The following RASA2 variants were observed in gnomAD, a reference collection of about 807,000 sequenced individuals.
RASA2 encodes ras GTPase-activating protein 2.
In RASA2, 155 loss-of-function variants were observed where a neutral mutation model predicts 118.2. The ratio of observed to expected loss-of-function variants is 1.31; its 90% CI spans 1.15 to 1.50. The LOEUF (loss-of-function observed/expected upper bound fraction) is 1.50. RASA2 is among the 40% of genes most tolerant of loss of function. The pLI is 0.00. For missense variants in RASA2, 1,016 were observed against 1,009.6 expected, an observed-to-expected ratio of 1.01 and a Z score of -0.09; for synonymous variants, 353 against 349.1, an observed-to-expected ratio of 1.01 and a Z score of -0.12.
chr3:141,534,379 G>C (rs1397868301), intron 4 of RASA2, among the ~76,000 whole-genome samples: 1 of 152,024 alleles, frequency 6.6e-6, no homozygotes, highest in Non-Finnish European at 1.5e-5. Flanking sequence ...TATAGGGGGG[G>C]GAAAAAGAGT....
At chr3:141,515,899 A>C (rs1434451767) in intron 2 of RASA2, among the ~76,000 whole-genome samples, 2 of 72,780 alleles carry the variant, frequency 2.7e-5, no homozygotes, top group African/African-American at 9.6e-5. Flanking sequence ...ACTCTGTCTC[A>C]AAAAAAAAAA....
chr3:141,506,915 CAAAAA>C (rs59123792), intron 1 of RASA2, among the ~76,000 whole-genome samples: 4 of 89,756 alleles, frequency 4.5e-5, no homozygotes, highest in African/African-American at 8.7e-5. Flanking sequence ...GACCCTGTCT[CAAAAA>C]AAAAAAAAAA....
chr3:141,549,715 C>T (rs1049667345), intron 5 of RASA2, among the ~76,000 whole-genome samples: 9 of 152,226 alleles, frequency 5.9e-5, no homozygotes, highest in Non-Finnish European at 1.3e-4. Context: ...CTAATGACTA[C>T]AGCATTAGTG....
At chr3:141,603,251 A>G (rs1423932780) in intron 19 of RASA2, among the ~76,000 whole-genome samples, 2 of 152,042 alleles carry the variant, frequency 1.3e-5, no homozygotes, top group African/African-American at 4.8e-5. Flanking sequence ...TTGGACATTC[A>G]TTTTTATTGT....
At chr3:141,534,163 C>T (rs1276168743) in intron 4 of RASA2, among the ~76,000 whole-genome samples, 1 of 152,094 alleles carries the variant, frequency 6.6e-6, no homozygotes, top group African/African-American at 2.4e-5. Context: ...GTTATTAGGT[C>T]CTGTAACTCA....
intron 1 of RASA2, among the ~76,000 whole-genome samples, chr3:141,490,898 A>C (rs562119156): frequency 6.6e-6 from 1 of 152,086 alleles, no homozygotes; most frequent in South Asian, 2.1e-4. Flanking sequence ...CTCCCTCCCT[A>C]CTCTGCCCCT....
chr3:141,496,879 G>A (rs538150679), intron 1 of RASA2, among the ~76,000 whole-genome samples: 3 of 152,150 alleles, frequency 2.0e-5, no homozygotes, highest in Admixed American at 6.5e-5. Context: ...TGTTTATTGC[G>A]GCATTATTCA....
At chr3:141,601,844 C>T (rs2083469304) in intron 19 of RASA2, among the ~76,000 whole-genome samples, 1 of 152,134 alleles carries the variant, frequency 6.6e-6, no homozygotes, top group African/African-American at 2.4e-5. Context: ...CTCACTGAGA[C>T]TCAGTTCATT....
At chr3:141,585,735 G>C (rs1323187863) in intron 17 of RASA2, among the ~76,000 whole-genome samples, 1 of 152,182 alleles carries the variant, frequency 6.6e-6, no homozygotes, top group Non-Finnish European at 1.5e-5. Flanking sequence ...AGGAAGGAGA[G>C]GTTGCAGTGA....
chr3:141,577,551 AAG>A, intron 15 of RASA2, among the ~76,000 whole-genome samples: 1 of 152,292 alleles, frequency 6.6e-6, no homozygotes, highest in East Asian at 1.9e-4. Flanking sequence ...TTCTCTAAGA[AAG>A]AAGGCTACAA....
chr3:141,558,417 A>T (rs1418170416), intron 7 of RASA2, among the ~76,000 whole-genome samples: 13 of 152,212 alleles, frequency 8.5e-5, no homozygotes, highest in Non-Finnish European at 1.6e-4. Flanking sequence ...ATACAGTTGT[A>T]TGATCACTAA....
intron 2 of RASA2, 59 bp downstream of exon 2, chr3:141,512,339 C>A: frequency 1.7e-6 from 2 of 1,165,940 alleles, no homozygotes; most frequent in Non-Finnish European, 1.2e-6. Context: ...AAATATTATG[C>A]ATTTTCCAGA....
intron 7 of RASA2, among the ~76,000 whole-genome samples, chr3:141,556,808 C>T (rs1164959207): frequency 6.6e-6 from 1 of 151,818 alleles, no homozygotes; most frequent in Non-Finnish European, 1.5e-5. Flanking sequence ...TCTAGTCATG[C>T]CTGATTGCTG....
intron 3 of RASA2, among the ~76,000 whole-genome samples, chr3:141,527,254 T>C (rs2082198056): frequency 6.6e-6 from 1 of 152,192 alleles, no homozygotes; most frequent in African/African-American, 2.4e-5. Context: ...TATGTACATC[T>C]ATATACATAT....
Position 141,609,510 on chromosome 3 carries a change from G to A in RASA2, c.2316G>A (p.Leu772=). The A allele has an allele frequency of 6.3e-7, 1 of 1,580,094 alleles. No homozygotes were observed. Residue 772 remains leucine, a synonymous_variant, in exon 22 of 24, where the codon CTG becomes CTA. Transcript: ENST00000286364. ...TTTTTACCCTCAGTTTACTTAAGCT[G>A]CAGAAGATGGAAGGTAAATACACAA... ...YSLFTLSLLK[L]QKMEEACGTI...
At chr3:141,561,339 A>T (rs571897191) in intron 9 of RASA2, among the ~76,000 whole-genome samples, 2 of 152,314 alleles carry the variant, frequency 1.3e-5, no homozygotes, top group East Asian at 3.9e-4. Context: ...TTTAAGTAAG[A>T]CTGTCTCCAG....
intron 10 of RASA2, 35 bp downstream of exon 10, chr3:141,571,103 G>T: frequency 6.5e-7 from 1 of 1,546,088 alleles, no homozygotes; most frequent in East Asian, 2.3e-5. Context: ...GATTTAACAC[G>T]AAACGGCTAA....
intron 1 of RASA2, 73 bp from the exon 2 acceptor site, chr3:141,512,090 A>G (rs1288222771): frequency 1.1e-5 from 11 of 957,306 alleles, no homozygotes; most frequent in Non-Finnish European, 1.8e-5. Context: ...TTCAGATTGA[A>G]GTCATCCTAT....
At chr3:141,496,274 C>T (rs9837959) in intron 1 of RASA2, among the ~76,000 whole-genome samples, 43,122 of 151,824 alleles carry the variant, frequency 0.28, 6,424 homozygotes, top group Non-Finnish European at 0.33. Flanking sequence ...ACTTCATGTC[C>T]AAAACACCAA....
Sources: gnomAD v4.1 joint callset for allele counts (sites outside exome capture counted in the v4.1 genomes callset) on GRCh38, gnomAD v4.1.1 for gene constraint, MANE v1.5 for transcripts, NCBI Gene and HGNC (gene_info 2026-07-23, HGNC 2026-07-21) for gene names.